Variants in KLF8 observed in about 807,000 individuals in gnomAD.
The protein encoded by KLF8 is Krueppel-like factor 8.
In KLF8, 10 loss-of-function variants were observed where a neutral mutation model predicts 18.2. The observed-to-expected ratio is 0.55, with a 90% CI of 0.34 to 0.93. The LOEUF (loss-of-function observed/expected upper bound fraction) is 0.93. Among genes scored for constraint, KLF8 ranks in the 40% least tolerant of loss-of-function variants. The pLI, the probability that KLF8 is intolerant of heterozygous loss-of-function variation, is 0.02. For synonymous variants in KLF8, 109 were observed against 97.3 expected (o/e 1.12, Z -0.71); for missense variants, 264 against 277.9 (o/e 0.95, Z 0.36).
At chrX:56,043,826 G>T in the KLF8 span, among the ~76,000 whole-genome samples, 1 of 112,569 alleles carries the variant, frequency 8.9e-6, no homozygotes, top group African/African-American at 3.2e-5. Flanking sequence ...CTCAGTCTCA[G>T]CCAGTTTTGT....
the KLF8 span, among the ~76,000 whole-genome samples, chrX:56,145,895 G>T: frequency 4.6e-4 from 51 of 111,033 alleles, no homozygotes; most frequent in Admixed American, 4.9e-3. Flanking sequence ...TCAAAAAGTG[G>T]GTAAAGGATA....
At chrX:56,135,646 C>T in the KLF8 span, among the ~76,000 whole-genome samples, 1 of 110,104 alleles carries the variant, frequency 9.1e-6, no homozygotes, top group South Asian at 3.9e-4. Flanking sequence ...CCCATGTATA[C>T]ATATGTAACT....
the KLF8 span, among the ~76,000 whole-genome samples, chrX:56,050,439 A>G: frequency 8.9e-6 from 1 of 111,790 alleles, no homozygotes; most frequent in Non-Finnish European, 1.9e-5. Flanking sequence ...ACTGCTTTGA[A>G]TGTGTCCCAG....
the KLF8 span, among the ~76,000 whole-genome samples, chrX:56,116,874 A>C: frequency 9.1e-6 from 1 of 110,227 alleles, no homozygotes; most frequent in African/African-American, 3.3e-5. Flanking sequence ...ATACCTTAAC[A>C]GTTCATAAAC....
the KLF8 span, among the ~76,000 whole-genome samples, chrX:56,056,265 G>A: frequency 2.5e-4 from 27 of 109,332 alleles, no homozygotes; most frequent in African/African-American, 7.3e-4. Context: ...TTTTATTTAC[G>A]CCCTTTATGG....
At chrX:56,011,367 G>T in the KLF8 span, among the ~76,000 whole-genome samples, 1 of 112,069 alleles carries the variant, frequency 8.9e-6, no homozygotes, top group East Asian at 2.8e-4. Context: ...GCTCCTGAAT[G>T]CCTCCTGGGT....
the KLF8 span, among the ~76,000 whole-genome samples, chrX:56,160,235 T>G: frequency 8.9e-6 from 1 of 112,173 alleles, no homozygotes; most frequent in African/African-American, 3.2e-5. Context: ...CTAGTTTGAT[T>G]GCACTGTGGT....
the KLF8 span, chrX:55,962,473 C>T: frequency 4.4e-6 from 1 of 224,899 alleles, no homozygotes; most frequent in Admixed American, 5.5e-5. Context: ...TTCATCAGGT[C>T]ACCAAGTAAT....
At chrX:56,276,683 T>C (rs2067127347) in intron 5 of KLF8, among the ~76,000 whole-genome samples, 1 of 111,805 alleles carries the variant, frequency 8.9e-6, no homozygotes, top group Non-Finnish European at 1.9e-5. Flanking sequence ...ATCCTTTCTT[T>C]ATCCTTGACC....
chrX:56,050,440 T>A, the KLF8 span, among the ~76,000 whole-genome samples: 7 of 112,254 alleles, frequency 6.2e-5, no homozygotes, highest in Non-Finnish European at 1.3e-4. Flanking sequence ...CTGCTTTGAA[T>A]GTGTCCCAGA....
the KLF8 span, among the ~76,000 whole-genome samples, chrX:56,049,799 A>G: frequency 9.1e-6 from 1 of 109,867 alleles, no homozygotes; most frequent in Non-Finnish European, 1.9e-5. Flanking sequence ...GTTAGGGAGG[A>G]TTCCCTCTTT....
the KLF8 span, among the ~76,000 whole-genome samples, chrX:56,072,003 G>T: frequency 1.8e-5 from 2 of 111,859 alleles, no homozygotes; most frequent in Non-Finnish European, 3.8e-5. Context: ...TAAGAGGTAT[G>T]AAGTTACTTT....
chrX:55,927,316 T>G, the KLF8 span, among the ~76,000 whole-genome samples: 4 of 112,267 alleles, frequency 3.6e-5, no homozygotes, highest in Non-Finnish European at 5.6e-5. Context: ...CAAATCTCTC[T>G]GTCCTCTCTT....
At chrX:56,050,835 G>C in the KLF8 span, among the ~76,000 whole-genome samples, 1 of 110,016 alleles carries the variant, frequency 9.1e-6, no homozygotes, top group Non-Finnish European at 1.9e-5. Flanking sequence ...TTGACTTTCT[G>C]TCTCATTGAT....
At chrX:56,178,228 T>C in the KLF8 span, among the ~76,000 whole-genome samples, 2 of 112,798 alleles carry the variant, frequency 1.8e-5, no homozygotes, top group Non-Finnish European at 3.7e-5. Flanking sequence ...ATTTCTCTGA[T>C]GGCCAGTGAT....
At chrX:56,030,509 A>G in the KLF8 span, among the ~76,000 whole-genome samples, 5 of 111,341 alleles carry the variant, frequency 4.5e-5, no homozygotes, top group Non-Finnish European at 9.4e-5. Flanking sequence ...TATTTTTCCA[A>G]TTGAGGAAGT....
the KLF8 span, among the ~76,000 whole-genome samples, chrX:55,993,378 C>A: frequency 1.8e-5 from 2 of 112,013 alleles, no homozygotes; most frequent in Admixed American, 9.5e-5. Flanking sequence ...TCTTTCAATT[C>A]TTTTTATGTG....
chrX:56,144,570 A>G, the KLF8 span, among the ~76,000 whole-genome samples: 1 of 107,796 alleles, frequency 9.3e-6, no homozygotes, highest in African/African-American at 3.4e-5. Context: ...CAAGATGGTG[A>G]AACCTCGTCT....
the KLF8 span, among the ~76,000 whole-genome samples, chrX:56,111,892 AATTAGTTC>A: frequency 1.8e-5 from 2 of 112,055 alleles, no homozygotes; most frequent in South Asian, 7.5e-4. Flanking sequence ...TGGGAGTGTA[AATTAGTTC>A]AATTATTGTG....
Sources: gnomAD v4.1 joint callset for allele counts (sites outside exome capture counted in the v4.1 genomes callset) on GRCh38, gnomAD v4.1.1 for gene constraint, MANE v1.5 for transcripts, NCBI Gene and HGNC (gene_info 2026-07-23, HGNC 2026-07-21) for gene names.